FAM13A: variants seen among roughly 807,000 people sequenced by gnomAD.
The protein encoded by FAM13A is family with sequence similarity 13 member A.
A neutral mutation model predicts 129.6 loss-of-function variants in FAM13A; 76 were observed. That is an observed-to-expected ratio of 0.59 (90% CI 0.49 to 0.71). FAM13A has a LOEUF of 0.71. Among genes scored for constraint, FAM13A ranks in the 30% least tolerant of loss-of-function variants. FAM13A has a pLI of 0.00. For synonymous variants in FAM13A, 443 were observed against 449.9 expected (o/e 0.98, Z 0.20); for missense variants, 1,108 against 1,249.3 (o/e 0.89, Z 1.70).
chr4:88,758,707 T>C, intron 14 of FAM13A, 47 bp downstream of exon 14: 4 of 1,566,980 alleles, frequency 2.6e-6, no homozygotes, highest in Non-Finnish European at 3.5e-6. Context: ...TGCTTATTTA[T>C]ATATGCTTTA....
chr4:88,733,307 T>C (rs574871047), intron 21 of FAM13A, among the ~76,000 whole-genome samples: 1 of 152,356 alleles, frequency 6.6e-6, no homozygotes, highest in Non-Finnish European at 1.5e-5. Flanking sequence ...AGGACTATCA[T>C]ATAACTGATA....
chr4:88,946,531 C>T (rs1443134117), intron 4 of FAM13A, among the ~76,000 whole-genome samples: 1 of 149,276 alleles, frequency 6.7e-6, no homozygotes, highest in East Asian at 2.0e-4. Flanking sequence ...TTACTATCTA[C>T]TTATTTGAAA....
chr4:89,025,266 T>TTG (rs1767809334), intron 2 of FAM13A, among the ~76,000 whole-genome samples: 2 of 106,744 alleles, frequency 1.9e-5, no homozygotes, highest in Non-Finnish European at 3.7e-5. Context: ...TTTTTTTTTT[T>TTG]TTTTTTTTTG....
At chr4:88,738,380 G>A (rs1739446694) in intron 20 of FAM13A, among the ~76,000 whole-genome samples, 1 of 152,156 alleles carries the variant, frequency 6.6e-6, no homozygotes, top group Non-Finnish European at 1.5e-5. Context: ...CGCTGAGTCT[G>A]GGATGAGGGA....
intron 4 of FAM13A, among the ~76,000 whole-genome samples, chr4:88,945,848 GTATA>G (rs199669630): frequency 1.6e-5 from 2 of 122,950 alleles, no homozygotes; most frequent in Non-Finnish European, 3.3e-5. Flanking sequence ...GTGTGTGTGT[GTATA>G]TATATATACA....
intron 6 of FAM13A, among the ~76,000 whole-genome samples, chr4:88,871,982 G>C (rs1741492442): frequency 6.6e-6 from 1 of 152,180 alleles, no homozygotes; most frequent in Non-Finnish European, 1.5e-5. Context: ...GAGAGTGGGG[G>C]CCAATATTCA....
intron 7 of FAM13A, among the ~76,000 whole-genome samples, chr4:88,816,581 GGGA>G (rs1730777186): frequency 6.6e-6 from 1 of 152,132 alleles, no homozygotes; most frequent in Non-Finnish European, 1.5e-5. Flanking sequence ...CAATGCTAAT[GGGA>G]GGAAGGTCAG....
intron 6 of FAM13A, among the ~76,000 whole-genome samples, chr4:88,893,978 C>T (rs1745865075): frequency 6.6e-6 from 1 of 152,152 alleles, no homozygotes; most frequent in South Asian, 2.1e-4. Flanking sequence ...GTCTCTGGCA[C>T]AACTAGAAAT....
intron 17 of FAM13A, 117 bp from the exon 18 acceptor site, chr4:88,747,968 C>T (rs1452657602): frequency 6.0e-6 from 4 of 662,756 alleles, no homozygotes; most frequent in Non-Finnish European, 7.6e-6. Flanking sequence ...CGGCTCACTG[C>T]AAGCTCCGCC....
Position 88,851,054 on chromosome 4 carries a change from C to A in FAM13A, c.973G>T (p.Ala325Ser). The A allele has an allele frequency of 1.2e-6, 2 of 1,614,020 alleles. No individual in the cohort carries two copies. The highest frequency in any genetic ancestry group is 1.7e-6 in the Non-Finnish European group (2 of 1,179,976). The change falls in exon 7 of 24, where the codon GCA becomes TCA. Residue 325 changes from alanine to serine, a missense_variant. Ala to Ser is a moderately conservative substitution (Grantham distance 99). Around this residue, in one of 3 missense-constraint regions of FAM13A, gnomAD observed 566 missense variants for 595.7 expected, o/e 0.95. Transcript: ENST00000264344. ...AACTTGGCACTAATAGCACCCTCTG[C>A]TGAATTCATGTCTTCCAAGCAGGCT... ...RKACLEDMNS[A>S]EGAISAKLVP...
chr4:88,741,555 G>T (rs1318314567), intron 19 of FAM13A, among the ~76,000 whole-genome samples: 1 of 152,146 alleles, frequency 6.6e-6, no homozygotes, highest in Non-Finnish European at 1.5e-5. Context: ...TTTGATATGG[G>T]TGCTGGTTAC....
intron 3 of FAM13A, 133 bp downstream of exon 3, chr4:89,020,327 C>T (rs534162536): frequency 2.4e-5 from 12 of 490,784 alleles, no homozygotes; most frequent in East Asian, 3.5e-5. Flanking sequence ...TGGTTGCCCA[C>T]GGTGGTCTTC....
intron 19 of FAM13A, 146 bp from the exon 20 acceptor site, chr4:88,739,271 T>G: frequency 1.6e-6 from 1 of 623,316 alleles, no homozygotes; most frequent in Non-Finnish European, 2.9e-6. Flanking sequence ...TTATTTAAAC[T>G]GATAATATTA....
At chr4:89,017,775 G>A (rs974628160) in intron 3 of FAM13A, among the ~76,000 whole-genome samples, 4 of 152,056 alleles carry the variant, frequency 2.6e-5, no homozygotes, top group South Asian at 2.1e-4. Context: ...TTTCCAAATA[G>A]GAGGAATTGT....
chr4:88,732,916 C>A (rs777813689), intron 21 of FAM13A, among the ~76,000 whole-genome samples: 1 of 151,206 alleles, frequency 6.6e-6, no homozygotes, highest in Non-Finnish European at 1.5e-5. Context: ...AAAGCCAAAT[C>A]AGCATTTCTT....
chr4:88,836,585 T>A (rs1734842271), intron 7 of FAM13A, among the ~76,000 whole-genome samples: 1 of 152,258 alleles, frequency 6.6e-6, no homozygotes, highest in Non-Finnish European at 1.5e-5. Flanking sequence ...TCTATTAATA[T>A]TAAGCCAGTT....
intron 1 of FAM13A, among the ~76,000 whole-genome samples, chr4:89,052,083 A>G (rs1771661093): frequency 2.0e-5 from 3 of 151,842 alleles, no homozygotes. Context: ...CACTCTGGGC[A>G]CCGGCAGAGA....
At chr4:88,914,611 T>G (rs56221166) in intron 5 of FAM13A, among the ~76,000 whole-genome samples, 9,188 of 152,294 alleles carry the variant, frequency 0.06, 372 homozygotes, top group Non-Finnish European at 0.092. Flanking sequence ...GAGGCCATCT[T>G]TAACAACCTT....
chr4:89,039,152 TAA>T (rs765742414), intron 1 of FAM13A, among the ~76,000 whole-genome samples: 2 of 151,990 alleles, frequency 1.3e-5, no homozygotes, highest in Non-Finnish European at 2.9e-5. Context: ...AAGAAAAAGT[TAA>T]AAGAGACTGT....
Sources: allele counts gnomAD v4.1 joint callset (sites outside exome capture counted in the v4.1 genomes callset), GRCh38; gene constraint gnomAD v4.1.1; regional missense constraint gnomAD v4.1.1; transcripts MANE v1.5; gene names NCBI Gene and HGNC (gene_info 2026-07-23, HGNC 2026-07-21).